TLN2: variants seen among roughly 807,000 people sequenced by gnomAD.
TLN2 encodes talin 2, also known as talin-2.
Under a neutral mutation model 294.7 loss-of-function variants are expected in TLN2, and 118 were observed. That is an observed-to-expected ratio of 0.40 (90% CI 0.34 to 0.47). The LOEUF (loss-of-function observed/expected upper bound fraction) is 0.47, where lower values mean the gene tolerates loss of function less well. Among genes scored for constraint, TLN2 ranks in the 20% least tolerant of loss-of-function variants. TLN2 has a pLI of 0.84. For synonymous variants in TLN2, 1,431 were observed against 1,304.5 expected (o/e 1.10, Z -2.09); for missense variants, 3,083 against 3,282.2 (o/e 0.94, Z 1.48).
chr15:62,596,414 C>T (rs750582327), intron 2 of TLN2, among the ~76,000 whole-genome samples: 10 of 151,964 alleles, frequency 6.6e-5, no homozygotes, highest in African/African-American at 2.4e-4. Context: ...ATAGCATGTT[C>T]TATAACTTTT....
chr15:62,534,411 C>G (rs2041221253), intron 1 of TLN2, among the ~76,000 whole-genome samples: 1 of 152,132 alleles, frequency 6.6e-6, no homozygotes, highest in South Asian at 2.1e-4. Flanking sequence ...TTTGCTAGAA[C>G]AGCTCACAGA....
At chr15:62,711,290 A>G (rs1329810558) in intron 21 of TLN2, among the ~76,000 whole-genome samples, 14 of 152,220 alleles carry the variant, frequency 9.2e-5, no homozygotes. Context: ...CAATAAGACC[A>G]AAGAATAATG....
intron 24 of TLN2, among the ~76,000 whole-genome samples, chr15:62,718,861 T>C (rs1017383584): frequency 6.6e-6 from 1 of 152,146 alleles, no homozygotes; most frequent in African/African-American, 2.4e-5. Flanking sequence ...GTCTTGAGTG[T>C]CACTACCAGG....
intron 41 of TLN2, among the ~76,000 whole-genome samples, chr15:62,770,587 C>T (rs2063294564): frequency 6.6e-6 from 1 of 152,176 alleles, no homozygotes; most frequent in Non-Finnish European, 1.5e-5. Flanking sequence ...TTTCTGCTCC[C>T]CTGCTACCTT....
chr15:62,579,892 G>C (rs2044768858), intron 1 of TLN2, among the ~76,000 whole-genome samples: 1 of 152,204 alleles, frequency 6.6e-6, no homozygotes, highest in Admixed American at 6.5e-5. Context: ...AAATGGAGGA[G>C]CATGCACCTT....
At chr15:62,496,227 A>C (rs1366611650) in intron 1 of TLN2, among the ~76,000 whole-genome samples, 1 of 152,156 alleles carries the variant, frequency 6.6e-6, no homozygotes, top group Non-Finnish European at 1.5e-5. Context: ...GCTGGTTCTT[A>C]CGTGTCTACG....
intron 50 of TLN2, among the ~76,000 whole-genome samples, chr15:62,802,005 A>AT (rs2065960209): frequency 6.6e-6 from 1 of 152,066 alleles, no homozygotes; most frequent in Non-Finnish European, 1.5e-5. Flanking sequence ...CAATTAAATT[A>AT]TTTTTTACTG....
chr15:62,449,795 TTGGCCAAAGCTA>T (rs913146178), intron 1 of TLN2, among the ~76,000 whole-genome samples: 1 of 152,016 alleles, frequency 6.6e-6, no homozygotes, highest in African/African-American at 2.4e-5. Flanking sequence ...CAACAAAACC[TTGGCCAAAGCTA>T]TGCAGAGAAA....
At chr15:62,731,342 T>G (rs1300707489) in intron 28 of TLN2, among the ~76,000 whole-genome samples, 2 of 151,550 alleles carry the variant, frequency 1.3e-5, no homozygotes, top group Admixed American at 1.3e-4. Context: ...TGGTGTTTTC[T>G]TTTTTTTTCT....
At chr15:62,617,648 C>T (rs2048420735) in intron 2 of TLN2, among the ~76,000 whole-genome samples, 1 of 152,208 alleles carries the variant, frequency 6.6e-6, no homozygotes, top group Non-Finnish European at 1.5e-5. Context: ...CCTCTGACTG[C>T]TAAATCAGGT....
chr15:62,694,468 G>C (rs183153503), intron 14 of TLN2, 76 bp downstream of exon 14: 1 of 1,245,978 alleles, frequency 8.0e-7, no homozygotes, highest in African/African-American at 1.5e-5. Context: ...CTTGGAGCCT[G>C]CTGCTCTGAA....
At chr15:62,418,455 T>G (rs1057079780) in intron 1 of TLN2, among the ~76,000 whole-genome samples, 5 of 152,240 alleles carry the variant, frequency 3.3e-5, no homozygotes, top group Non-Finnish European at 7.3e-5. Flanking sequence ...CTGCCCAGAA[T>G]GGTTATTGAA....
intron 7 of TLN2, among the ~76,000 whole-genome samples, chr15:62,654,648 G>T (rs377441935): frequency 1.5e-4 from 22 of 151,134 alleles, no homozygotes; most frequent in African/African-American, 5.4e-4. Context: ...CCAACTATGC[G>T]GGAGACTGAG....
At chr15:62,794,246 G>T (rs1596017206) in intron 46 of TLN2, among the ~76,000 whole-genome samples, 2 of 152,172 alleles carry the variant, frequency 1.3e-5, no homozygotes, top group African/African-American at 4.8e-5. Context: ...CCAAAGGAGA[G>T]GAGGTGGCTC....
intron 1 of TLN2, among the ~76,000 whole-genome samples, chr15:62,455,955 G>A (rs936020575): frequency 2.6e-5 from 4 of 152,120 alleles, no homozygotes; most frequent in South Asian, 2.1e-4. Context: ...AGTGCAGCCA[G>A]CCCTGCTCCT....
At chr15:62,649,133 C>T (rs531172931) in intron 4 of TLN2, among the ~76,000 whole-genome samples, 26 of 152,322 alleles carry the variant, frequency 1.7e-4, no homozygotes, top group Non-Finnish European at 2.8e-4. Context: ...TGAGCAACTG[C>T]GCCCCCTGGC....
At position 62,759,412 on chromosome 15, in the gene TLN2, G is replaced by T. The variant is rs1050499161; in HGVS notation, c.4639-2269G>T. 3.1e-4 allele frequency among the ~76,000 whole-genome samples: 47 copies of T among 151,910 alleles called. 1 individual carries two copies. The highest frequency in any genetic ancestry group is 1.1e-3 in the African/African-American group (47 of 41,450). ...ATATGTTAATATGATTTTAGGGCCT[G>T]TGCTCAAAACAAAAGCCCCAAACAA... On this transcript the variant is annotated intron_variant, in intron 37 of 58. Coordinates refer to ENST00000636159, the MANE Select transcript of TLN2 (RefSeq NM_015059.3).
chr15:62,708,454 A>G (rs1331838191), intron 20 of TLN2, 48 bp from the exon 21 acceptor site: 2 of 1,587,590 alleles, frequency 1.3e-6, no homozygotes, highest in South Asian at 2.3e-5. Flanking sequence ...ATGGAGAGGG[A>G]CCAGGATTCA....
Position 62,698,943 on chromosome 15 carries a change from C to G in TLN2, c.1587+76C>G, listed in dbSNP as rs908042687. On this transcript the variant is annotated intron_variant, in intron 16 of 58. Transcript: ENST00000636159. ...CAGGGTTATATACTCTGTCGGGATTCATCTAGGTAAATTTCTATCTCTAGG... is the reference window on the plus strand; with the variant it reads ...CAGGGTTATATACTCTGTCGGGATTGATCTAGGTAAATTTCTATCTCTAGG... The G allele has an allele frequency of 1.3e-5, 18 of 1,360,598 alleles. No homozygotes were observed. In the African/African-American group the frequency reaches 2.4e-4, roughly 18 times the overall value. 84.3% of individuals were successfully genotyped at this position (1,360,598 alleles called of 1,614,324 possible).
Sources: allele counts gnomAD v4.1 joint callset (sites outside exome capture counted in the v4.1 genomes callset), GRCh38; gene constraint gnomAD v4.1.1; transcripts MANE v1.5; gene names NCBI Gene and HGNC (gene_info 2026-07-23, HGNC 2026-07-21).